RLF: variants seen among roughly 807,000 people sequenced by gnomAD.
RLF encodes the protein zinc finger protein Rlf.
RLF carries 7 observed loss-of-function variants against 162.9 expected under a neutral mutation model. The ratio of observed to expected loss-of-function variants is 0.04; its 90% CI spans 0.02 to 0.08. The LOEUF (loss-of-function observed/expected upper bound fraction) is 0.08, where lower values mean the gene tolerates loss of function less well. Ranked by LOEUF, RLF falls within the 10% of genes least tolerant of loss-of-function variation. The pLI, the probability that RLF is intolerant of heterozygous loss-of-function variation, is 1.00. For synonymous variants in RLF, 782 were observed against 791.5 expected, an observed-to-expected ratio of 0.99 and a Z score of 0.20; for missense variants, 1,664 against 2,244.7, an observed-to-expected ratio of 0.74 and a Z score of 5.23.
At chr1:40,185,656 CAAAAAAAAA>C (rs1163398364) in intron 1 of RLF, among the ~76,000 whole-genome samples, 3 of 38,752 alleles carry the variant, frequency 7.7e-5, no homozygotes, top group Admixed American at 7.1e-4. Context: ...ACTAAAAATA[CAAAAAAAAA>C]AAAAAAAAAA....
chr1:40,171,644 G>A (rs1049272095), intron 1 of RLF, among the ~76,000 whole-genome samples: 1 of 152,060 alleles, frequency 6.6e-6, no homozygotes, highest in African/African-American at 2.4e-5. Flanking sequence ...CTTAAAACAA[G>A]ATTTACAAAT....
intron 1 of RLF, among the ~76,000 whole-genome samples, chr1:40,174,114 T>C (rs1166727099): frequency 6.6e-6 from 1 of 152,202 alleles, no homozygotes; most frequent in Admixed American, 6.5e-5. Context: ...GGCTCACGCC[T>C]GTAATCCCAG....
At chr1:40,173,309 C>G (rs534042724) in intron 1 of RLF, among the ~76,000 whole-genome samples, 1 of 152,134 alleles carries the variant, frequency 6.6e-6, no homozygotes, top group South Asian at 2.1e-4. Flanking sequence ...CTCCTGACCT[C>G]AGGTGATCCT....
At chr1:40,203,397 G>A (rs1052013496) in intron 5 of RLF, among the ~76,000 whole-genome samples, 13 of 151,772 alleles carry the variant, frequency 8.6e-5, no homozygotes, top group African/African-American at 3.1e-4. Flanking sequence ...ACAAACATTA[G>A]CCAGGCATGG....
intron 1 of RLF, among the ~76,000 whole-genome samples, chr1:40,166,866 AG>A (rs1221855259): frequency 1.4e-3 from 22 of 15,372 alleles, no homozygotes; most frequent in East Asian, 8.4e-3. Flanking sequence ...GGGTGGGGGG[AG>A]GGGGGCGGGA....
intron 1 of RLF, among the ~76,000 whole-genome samples, chr1:40,176,759 A>C (rs61780422): frequency 0.052 from 7,936 of 152,208 alleles, 604 homozygotes; most frequent in African/African-American, 0.17. Context: ...ACTTATGTCA[A>C]GTGTCTTTTC....
chr1:40,240,479 C>T lies in RLF; in HGVS notation c.*32C>T, dbSNP rs1349328458. On this transcript the variant is annotated 3_prime_UTR_variant, in exon 8 of 8. Transcript: ENST00000372771. Reference sequence around the variant, plus strand: ...ATTTTGTTTTAGTAACAGACTGGCTCCAACACTGCAACATGGGGACATTTG... The same window carrying T: ...ATTTTGTTTTAGTAACAGACTGGCTTCAACACTGCAACATGGGGACATTTG... The T allele has an allele frequency of 6.8e-7, 1 of 1,479,546 alleles. No homozygotes were observed. Among genetic ancestry groups the T allele is most frequent in the Non-Finnish European group, 9.3e-7 (1 of 1,072,308 alleles). 91.7% of individuals were successfully genotyped at this position (1,479,546 alleles called of 1,614,324 possible).
chr1:40,210,547 A>G (rs151039567), intron 5 of RLF, among the ~76,000 whole-genome samples: 49 of 152,370 alleles, frequency 3.2e-4, no homozygotes, highest in African/African-American at 1.1e-3. Flanking sequence ...TGGAAACTCC[A>G]TTGCATTAAT....
intron 6 of RLF, among the ~76,000 whole-genome samples, chr1:40,224,623 C>CTTTTTTTTTTTTTTTT (rs1168908018): frequency 3.9e-4 from 13 of 33,264 alleles, no homozygotes; most frequent in Admixed American, 6.9e-4. Context: ...TTTTTGAAAG[C>CTTTTTTTTTTTTTTTT]TTTTTTTTTT....
intron 6 of RLF, among the ~76,000 whole-genome samples, chr1:40,225,447 C>T (rs1050508994): frequency 1.4e-4 from 21 of 151,756 alleles, no homozygotes; most frequent in African/African-American, 4.8e-4. Flanking sequence ...GGCGTGGTGG[C>T]GTGTGCCTGT....
At chr1:40,202,715 T>G (rs1212382602) in intron 5 of RLF, 101 bp downstream of exon 5, 16 of 688,860 alleles carry the variant, frequency 2.3e-5, no homozygotes, top group Non-Finnish European at 2.3e-6. Flanking sequence ...AAACCAAGAT[T>G]CATTTTTTTC....
Position 40,238,780 on chromosome 1 carries a change from A to C in RLF, c.4078A>C (p.Lys1360Gln). 1 of 1,612,802 alleles carries C rather than the reference A, an allele frequency of 6.2e-7. No homozygotes were observed. Among genetic ancestry groups the C allele is most frequent in the African/African-American group, 1.3e-5 (1 of 74,934 alleles). The change falls in exon 8 of 8, where the codon AAG (lysine) becomes CAG (glutamine). Residue 1360 changes from lysine to glutamine, a missense_variant. This residue lies in a region of RLF where 200 missense variants were observed against 207.3 expected (regional missense o/e 0.96). Coordinates refer to ENST00000372771, the MANE Select transcript of RLF (RefSeq NM_012421.4). This position sits in a 1 kb window ranked among gnomAD's most constrained non-coding sequence, Gnocchi z 5.2. The stretch of plus-strand genomic sequence containing the variant: ...CAAAAGGGAACTTGTCAAATGTAAA[A>C]AGATATTTGCTTGCAAATATAAGGA... Reference protein sequence around the residue: ...RTKRELVKCKKIFACKYKECN... With the variant: ...RTKRELVKCKQIFACKYKECN...
chr1:40,174,619 T>C (rs968206704), intron 1 of RLF, among the ~76,000 whole-genome samples: 6 of 152,220 alleles, frequency 3.9e-5, no homozygotes, highest in Non-Finnish European at 8.8e-5. Flanking sequence ...ATTAATCTTT[T>C]AAAAGTATGT....
At chr1:40,231,760 T>C in intron 7 of RLF, 102 bp downstream of exon 7, 1 of 1,104,794 alleles carries the variant, frequency 9.1e-7, no homozygotes, top group Middle Eastern at 2.1e-4. Context: ...TAAGAAATAA[T>C]GAGTTTTAAT....
At chr1:40,214,872 A>G (rs576133397) in intron 5 of RLF, among the ~76,000 whole-genome samples, 77 of 132,394 alleles carry the variant, frequency 5.8e-4, no homozygotes, top group African/African-American at 2.1e-3. Context: ...GCAGTGAACT[A>G]TGATCATGCC....
At chr1:40,231,737 C>A in intron 7 of RLF, 79 bp downstream of exon 7, 1 of 1,314,390 alleles carries the variant, frequency 7.6e-7, no homozygotes, top group Non-Finnish European at 1.0e-6. Flanking sequence ...AGGAAATTCC[C>A]TTTAAAGGAA....
In RLF at chr1:40,217,993, T is replaced by C. The variant is rs1310660589; in HGVS notation, c.811-4581T>C. ...TACTGGTTATCATTGAGTTGTAAGA[T>C]TTAAGGATAGTTTTTATTCTGTTTT... On this transcript the variant is annotated intron_variant, in intron 5 of 7. Transcript: ENST00000372771. 2.0e-5 allele frequency among the ~76,000 whole-genome samples: 3 copies of C among 152,200 alleles called. No individual in the cohort carries two copies. The East Asian group carries it at 5.8e-4, about 29-fold the overall frequency.
At chr1:40,178,099 T>C (rs1305198339) in intron 1 of RLF, 1 of 149,542 alleles carries the variant, frequency 6.7e-6, no homozygotes, top group East Asian at 1.9e-4. Flanking sequence ...TCTATAGATA[T>C]ATATGAGTGT....
At chr1:40,189,309 C>T (rs1488217056) in intron 2 of RLF, 100 bp downstream of exon 2, 3 of 967,830 alleles carry the variant, frequency 3.1e-6, no homozygotes, top group Non-Finnish European at 4.7e-6. Context: ...TTCTTCAGAG[C>T]ACCATTAGAG....
Sources: gnomAD v4.1 joint callset for allele counts (sites outside exome capture counted in the v4.1 genomes callset) on GRCh38, gnomAD v4.1.1 for gene constraint, gnomAD v4.1.1 regional missense constraint, Gnocchi (gnomAD v3.1) non-coding constraint, MANE v1.5 for transcripts, NCBI Gene and HGNC (gene_info 2026-07-23, HGNC 2026-07-21) for gene names.